The following C5 variants were observed in gnomAD, a reference collection of about 807,000 sequenced individuals.
C5 encodes the protein complement C5, also known as C3 and PZP-like alpha-2-macroglobulin domain-containing protein 4.
Under a neutral mutation model 218.8 loss-of-function variants are expected in C5, and 140 were observed. The ratio of observed to expected loss-of-function variants is 0.64; its 90% CI spans 0.56 to 0.74. The LOEUF (loss-of-function observed/expected upper bound fraction) is 0.74, where lower values mean the gene tolerates loss of function less well. Among genes scored for constraint, C5 ranks in the 30% least tolerant of loss-of-function variants. C5 has a pLI of 0.00. For missense variants in C5, 1,700 were observed against 1,969.6 expected, an observed-to-expected ratio of 0.86 and a Z score of 2.59; for synonymous variants, 614 against 682.3, an observed-to-expected ratio of 0.90 and a Z score of 1.56.
Position 120,982,823 on chromosome 9 carries a change from C to CA in C5, c.3231-10dup, listed in dbSNP as rs1192340998. ...AAGCAAAAGCTGTTAACCTTTAAGA[C>CA]AAAATCAAATAAATAAATATTTAGA... On this transcript the variant is annotated splice_polypyrimidine_tract_variant and intron_variant, in intron 25 of 40. Coordinates refer to ENST00000223642, the MANE Select transcript of C5 (RefSeq NM_001735.3). 1 of 1,492,136 alleles carries CA rather than the reference C, an allele frequency of 6.7e-7. No homozygotes were observed. The highest frequency in any genetic ancestry group is 9.3e-7 in the Non-Finnish European group (1 of 1,075,992). 92.4% of individuals were successfully genotyped at this position (1,492,136 alleles called of 1,614,324 possible). A position where few individuals can be genotyped will look rare whatever the true frequency, so the allele number is the denominator to read the frequency against.
At chr9:120,963,759 G>GAAAATATAAT in intron 33 of C5, 21 bp from the exon 34 acceptor site, 3 of 1,542,670 alleles carry the variant, frequency 1.9e-6, no homozygotes, top group Non-Finnish European at 2.7e-6. Flanking sequence ...AAAGAGGTTA[G>GAAAATATAAT]AAAATATAAT....
chr9:121,024,680 T>C (rs1285994965), intron 9 of C5, among the ~76,000 whole-genome samples: 1 of 152,174 alleles, frequency 6.6e-6, no homozygotes, highest in African/African-American at 2.4e-5. Context: ...CTGATCATCT[T>C]CACAACACTG....
chr9:120,953,010 G>A (rs890684949), intron 40 of C5, 142 bp from the exon 41 acceptor site: 4 of 798,962 alleles, frequency 5.0e-6, no homozygotes, highest in African/African-American at 1.8e-5. Context: ...TGCAAGCTCT[G>A]CCTCTCGGGT....
At chr9:121,031,901 T>C (rs921642536) in intron 6 of C5, among the ~76,000 whole-genome samples, 1 of 151,984 alleles carries the variant, frequency 6.6e-6, no homozygotes, top group Non-Finnish European at 1.5e-5. Context: ...CTGTCTCTAC[T>C]AAAAATACAA....
At position 121,002,339 on chromosome 9, in the gene C5, TATACAC is replaced by T. The variant is rs1274010197; in HGVS notation, c.2562+3574_2562+3579del. On this transcript the variant is annotated intron_variant, in intron 20 of 40. Coordinates refer to ENST00000223642, the MANE Select transcript of C5 (RefSeq NM_001735.3). ...GTGTATATATATATATATATATATATATACACACATACCTACACAAGCCGATTTTAT... is the reference window on the plus strand; with the variant it reads ...GTGTATATATATATATATATATATATACATACCTACACAAGCCGATTTTAT... Among the ~76,000 whole-genome samples the T allele has an allele frequency of 9.8e-4, 113 of 115,422 alleles. 4 individuals carry two copies. The highest frequency in any genetic ancestry group is 3.7e-3 in the African/African-American group (97 of 26,002). The allele number at this position is 115,422 out of a possible 152,430, so 75.7% of individuals were successfully genotyped here.
intron 3 of C5, among the ~76,000 whole-genome samples, chr9:121,039,852 T>G (rs970606127): frequency 1.3e-4 from 20 of 152,032 alleles, no homozygotes; most frequent in Non-Finnish European, 1.0e-4. Context: ...TGAGCCAGGA[T>G]GGTCTCGATC....
intron 5 of C5, among the ~76,000 whole-genome samples, chr9:121,032,579 A>C (rs1225593238): frequency 6.6e-6 from 1 of 152,268 alleles, no homozygotes; most frequent in Admixed American, 6.5e-5. Context: ...CTAGAAACAT[A>C]TAATACAAGA....
Position 121,021,670 on chromosome 9 carries a change from G to T in C5, c.1141C>A (p.Gln381Lys). Reference protein sequence around the residue: ...IKVQVKDSLDQLVGGVPVTLN... With the variant: ...IKVQVKDSLDKLVGGVPVTLN... ...GTTACTGGGACTCCTCCTACCAACT[G>T]GTCAAGCGAATCTTTAACCTGCACC... Residue 381 changes from glutamine (Q) to lysine (K), a missense_variant, in exon 11 of 41, where the codon CAG becomes AAG. Coordinates refer to ENST00000223642, the MANE Select transcript of C5 (RefSeq NM_001735.3). The T allele has an allele frequency of 6.2e-7, 1 of 1,613,700 alleles. No individual in the cohort carries two copies. Among genetic ancestry groups the T allele is most frequent in the Non-Finnish European group, 8.5e-7 (1 of 1,179,726 alleles).
chr9:121,021,411 A>G (rs764635020), intron 11 of C5, 98 bp downstream of exon 11: 25 of 902,286 alleles, frequency 2.8e-5, no homozygotes, highest in Non-Finnish European at 4.4e-5. Flanking sequence ...CACTGGACTC[A>G]TGTGTAAAAT....
chr9:120,981,892 GGCTGTAAGATATAA>G lies in C5; in HGVS notation c.3424_3437del (p.Leu1144CysfsTer5), dbSNP rs779066373. On this transcript the variant is annotated frameshift_variant, in exon 27 of 41. Coordinates refer to ENST00000223642, the MANE Select transcript of C5 (RefSeq NM_001735.3). LOFTEE classifies it high-confidence loss of function. ...CCTTTCTAATTCCAATCACAGTAAA[GGCTGTAAGATATAA>G]GCTGTTCTCTCGGGCTTCAACAGGC... 1 of 1,614,070 alleles carries G rather than the reference GGCTGTAAGATATAA, an allele frequency of 6.2e-7. No homozygotes were observed. The highest frequency in any genetic ancestry group is 1.1e-5 in the South Asian group (1 of 91,066).
In C5 at chr9:121,025,446, A is replaced by ACACACACC; in HGVS notation, c.1000+7_1000+8insGGTGTGTG. On this transcript the variant is annotated splice_region_variant and intron_variant, in intron 9 of 40. Coordinates refer to ENST00000223642, the MANE Select transcript of C5 (RefSeq NM_001735.3). Reference sequence around the variant, plus strand: ...CACACACACACACACACACACACACACACTTACCTGTAGACTCTATGACTG... The same window carrying ACACACACC: ...CACACACACACACACACACACACACACACACACCCACTTACCTGTAGACTCTATGACTG... 1.2e-6 allele frequency: 2 copies of ACACACACC among 1,607,572 alleles called. No homozygotes were observed. The highest frequency in any genetic ancestry group is 2.2e-5 in the South Asian group (2 of 90,730).
chr9:121,019,273 T>C lies in C5; in HGVS notation c.1506+703A>G, dbSNP rs141733995. Among the ~76,000 whole-genome samples the C allele has an allele frequency of 2.5e-3, 380 of 152,340 alleles. 1 individual carries two copies. The highest frequency in any genetic ancestry group is 8.2e-3 in the African/African-American group (343 of 41,580). On this transcript the variant is annotated intron_variant, in intron 12 of 40. Transcript: ENST00000223642. ...CCCTTTATCAGTCAATATTTATCTA[T>C]GGTCCTCATTACTGTTTTTTCAATT...
intron 27 of C5, 82 bp from the exon 28 acceptor site, chr9:120,980,336 T>G: frequency 1.6e-6 from 2 of 1,236,568 alleles, no homozygotes; most frequent in Non-Finnish European, 2.4e-6. Context: ...GATCCCACTA[T>G]CCTGGAGCAA....
intron 8 of C5, among the ~76,000 whole-genome samples, chr9:121,026,646 T>C (rs570140051): frequency 6.6e-6 from 1 of 152,244 alleles, no homozygotes; most frequent in Non-Finnish European, 1.5e-5. Context: ...AAATGTCTCC[T>C]TGGGAATAAA....
In C5 at chr9:121,050,216, T is replaced by C. The variant is rs760686825; in HGVS notation, c.31A>G (p.Ile11Val). MGLLGILCFL[I>V]FLGKTWGQEQ... Reference sequence around the variant, plus strand: ...TGTCCCCAGGTTTTCCCCAGGAAGATTAAAAAACAAAGTATTCCCAAAAGG... The same window carrying C: ...TGTCCCCAGGTTTTCCCCAGGAAGACTAAAAAACAAAGTATTCCCAAAAGG... The change falls in exon 1 of 41, where the codon ATC (isoleucine) becomes GTC (valine). Residue 11 changes from isoleucine (I) to valine (V), a missense_variant. By Grantham distance (29) the Ile-to-Val change is conservative. Transcript: ENST00000223642. The C allele has an allele frequency of 1.2e-6, 2 of 1,613,956 alleles. No homozygotes were observed. The highest frequency in any genetic ancestry group is 2.2e-5 in the South Asian group (2 of 91,082).
chr9:121,003,503 G>A (rs1397966706), intron 20 of C5, among the ~76,000 whole-genome samples: 3 of 152,044 alleles, frequency 2.0e-5, no homozygotes, highest in South Asian at 4.1e-4. Context: ...AACATGATTT[G>A]GATTGAAAAA....
chr9:120,980,125 G>A lies in C5; in HGVS notation c.3616C>T (p.Arg1206Cys), dbSNP rs1402957355. The change falls in exon 28 of 41, where the codon CGT (arginine) becomes TGT (cysteine). Residue 1206 changes from arginine (R) to cysteine (C), a missense_variant. Physicochemically the swap from Arg to Cys is radical, Grantham distance 180 (BLOSUM62 -3). Transcript: ENST00000223642. ...CTCTTCAAAGCTGAAACAATTGAACGAAACTGTGGGTGAGTTTTATCTCCC... is the reference window on the plus strand; with the variant it reads ...CTCTTCAAAGCTGAAACAATTGAACAAAACTGTGGGTGAGTTTTATCTCCC... The part of the protein sequence containing the change: ...SLGDKTHPQF[R>C]SIVSALKREA... 1.9e-6 allele frequency: 3 copies of A among 1,614,036 alleles called. No individual in the cohort carries two copies. The highest frequency in any genetic ancestry group is 2.5e-6 in the Non-Finnish European group (3 of 1,180,008).
intron 30 of C5, among the ~76,000 whole-genome samples, chr9:120,973,708 G>A (rs1434640364): frequency 6.6e-6 from 1 of 152,104 alleles, no homozygotes; most frequent in Admixed American, 6.5e-5. Context: ...GCTGGGCATG[G>A]TGGCTCACAC....
At chr9:121,048,832 T>G (rs943661451) in intron 1 of C5, among the ~76,000 whole-genome samples, 8 of 152,240 alleles carry the variant, frequency 5.3e-5, no homozygotes, top group African/African-American at 9.6e-5. Flanking sequence ...AATATTTGCA[T>G]GGTTTGCTTC....
Sources: allele counts gnomAD v4.1 joint callset (sites outside exome capture counted in the v4.1 genomes callset), GRCh38; gene constraint gnomAD v4.1.1; transcripts MANE v1.5; gene names NCBI Gene and HGNC (gene_info 2026-07-23, HGNC 2026-07-21).